The following MSRA variants were observed in gnomAD, a reference collection of about 807,000 sequenced individuals.
The protein encoded by MSRA is methionine sulfoxide reductase A.
Under a neutral mutation model 31.3 loss-of-function variants are expected in MSRA, and 54 were observed. The observed-to-expected ratio is 1.73, with a 90% confidence interval of 1.39 to 2.17. MSRA has a LOEUF of 2.17. Ranked by LOEUF, MSRA falls within the 30% of genes most tolerant of loss-of-function variation. The pLI, the probability that MSRA is intolerant of heterozygous loss-of-function variation, is 0.00. For missense variants in MSRA, 507 were observed against 300.9 expected (o/e 1.69, Z -5.07); for synonymous variants, 169 against 116.5 (o/e 1.45, Z -2.90).
chr8:10,221,216 A>T (rs1366683591), intron 2 of MSRA, among the ~76,000 whole-genome samples: 1 of 152,194 alleles, frequency 6.6e-6, no homozygotes, highest in Non-Finnish European at 1.5e-5. Flanking sequence ...TGCATAAGAA[A>T]TGACCAGACA....
At chr8:10,132,864 G>A (rs1531918) in intron 1 of MSRA, among the ~76,000 whole-genome samples, 135,273 of 152,296 alleles carry the variant, frequency 0.89, 60,238 homozygotes, top group East Asian at 0.96. Context: ...CTTTTGACTT[G>A]TCTAGATGGA....
chr8:10,127,060 C>T (rs189361083), intron 1 of MSRA, among the ~76,000 whole-genome samples: 9 of 152,296 alleles, frequency 5.9e-5, no homozygotes, highest in South Asian at 2.1e-4. Context: ...GACATTCTGG[C>T]GAACATACTA....
intron 5 of MSRA, among the ~76,000 whole-genome samples, chr8:10,413,625 T>A: frequency 7.4e-6 from 1 of 134,232 alleles, no homozygotes; most frequent in Non-Finnish European, 1.6e-5. Context: ...GAGTAATGCC[T>A]CAACAAATAA....
chr8:10,151,466 A>G (rs1334586203), intron 1 of MSRA, among the ~76,000 whole-genome samples: 1 of 151,232 alleles, frequency 6.6e-6, no homozygotes, highest in African/African-American at 2.4e-5. Flanking sequence ...ACATGGTGAA[A>G]CCCCGTCTCT....
chr8:10,086,728 C>A (rs1798574277), intron 1 of MSRA, among the ~76,000 whole-genome samples: 1 of 136,242 alleles, frequency 7.3e-6, no homozygotes, highest in Non-Finnish European at 1.5e-5. Context: ...ATATTTCACA[C>A]ATAGCAGGTA....
intron 1 of MSRA, among the ~76,000 whole-genome samples, chr8:10,192,027 G>A (rs1209146555): frequency 6.6e-6 from 1 of 152,142 alleles, no homozygotes. Flanking sequence ...CTCATTCACA[G>A]GGCTGTTGGC....
At chr8:10,206,635 G>A (rs572238914) in intron 1 of MSRA, among the ~76,000 whole-genome samples, 1 of 152,252 alleles carries the variant, frequency 6.6e-6, no homozygotes, top group South Asian at 2.1e-4. Flanking sequence ...ATGACTCCTG[G>A]CCCTCACTGA....
chr8:10,056,695 G>T (rs1467738762), intron 1 of MSRA, among the ~76,000 whole-genome samples: 3 of 152,120 alleles, frequency 2.0e-5, no homozygotes, highest in African/African-American at 7.2e-5. Context: ...TCCAGAAATG[G>T]GCAGTGTTAC....
intron 1 of MSRA, among the ~76,000 whole-genome samples, chr8:10,142,576 A>G (rs1802809485): frequency 6.6e-6 from 1 of 152,230 alleles, no homozygotes; most frequent in African/African-American, 2.4e-5. Context: ...AAGGAGGAAT[A>G]TTAAATATCT....
chr8:10,180,871 T>G (rs1443638782), intron 1 of MSRA, among the ~76,000 whole-genome samples: 2 of 152,232 alleles, frequency 1.3e-5, no homozygotes, highest in East Asian at 3.8e-4. Context: ...CTCCATCTAT[T>G]TCTTCACTAC....
At chr8:10,219,329 G>A (rs762660748) in intron 2 of MSRA, among the ~76,000 whole-genome samples, 5 of 152,156 alleles carry the variant, frequency 3.3e-5, no homozygotes, top group African/African-American at 9.7e-5. Flanking sequence ...CACAGAAGGT[G>A]TAGGTAAAAC....
chr8:10,232,487 A>G (rs574728162), intron 2 of MSRA, among the ~76,000 whole-genome samples: 4 of 152,322 alleles, frequency 2.6e-5, no homozygotes, highest in African/African-American at 9.6e-5. Flanking sequence ...ACTGCCTTTC[A>G]TGAGTGCGGA....
At chr8:10,271,228 G>C (rs1267727028) in intron 3 of MSRA, among the ~76,000 whole-genome samples, 1 of 152,158 alleles carries the variant, frequency 6.6e-6, no homozygotes, top group Non-Finnish European at 1.5e-5. Flanking sequence ...ATAGCATCCA[G>C]TTTACAGGAA....
intron 1 of MSRA, among the ~76,000 whole-genome samples, chr8:10,084,507 G>T (rs543506482): frequency 5.9e-5 from 9 of 152,200 alleles, no homozygotes; most frequent in African/African-American, 2.2e-4. Context: ...CAATTTTAGC[G>T]GGTGGGTATA....
chr8:10,323,745 CGTGTGTGTGTGT>C (rs10643873), intron 5 of MSRA, among the ~76,000 whole-genome samples: 1 of 142,716 alleles, frequency 7.0e-6, no homozygotes, highest in East Asian at 2.1e-4. Flanking sequence ...GAATTAAATA[CGTGTGTGTGTGT>C]GTGTGTGTGT....
chr8:10,230,091 C>G (rs1230720320), intron 2 of MSRA, among the ~76,000 whole-genome samples: 1 of 152,218 alleles, frequency 6.6e-6, no homozygotes, highest in Non-Finnish European at 1.5e-5. Flanking sequence ...GAGCCTCATA[C>G]GTGCAAGGTG....
rs1035745305 is a variant in MSRA at position 10,296,990 on chromosome 8, C to G, written c.332-4544C>G. On this transcript the variant is annotated intron_variant, in intron 3 of 5. Transcript: ENST00000317173. Reference sequence around the variant, plus strand: ...CCCAGCAGCCCAACAGTAGCAAAATCTAATTATCCTAACCTGGAAGAATCA... The same window carrying G: ...CCCAGCAGCCCAACAGTAGCAAAATGTAATTATCCTAACCTGGAAGAATCA... Among the ~76,000 whole-genome samples, 3 of 152,314 alleles carry G rather than the reference C, an allele frequency of 2.0e-5. No individual in the cohort carries two copies. The East Asian group carries it at 5.8e-4, about 29-fold the overall frequency.
intron 1 of MSRA, among the ~76,000 whole-genome samples, chr8:10,134,639 A>G (rs1477690827): frequency 6.6e-6 from 1 of 152,224 alleles, no homozygotes; most frequent in Non-Finnish European, 1.5e-5. Flanking sequence ...CAGACCAGGC[A>G]TGACTGCACG....
chr8:10,156,055 G>A lies in MSRA; in HGVS notation c.143-51778G>A, dbSNP rs548039820. On this transcript the variant is annotated intron_variant, in intron 1 of 5. Transcript: ENST00000317173. ...GTGGGAGTCCTGATGTGATGCGGTA[G>A]GAGGATACCTGAAGCCCCTGGGAAG... Among the ~76,000 whole-genome samples the A allele has an allele frequency of 3.3e-5, 5 of 152,258 alleles. No individual in the cohort carries two copies. The South Asian group carries it at 8.3e-4, about 25-fold the overall frequency.
Sources: gnomAD v4.1 joint callset for allele counts (sites outside exome capture counted in the v4.1 genomes callset) on GRCh38, gnomAD v4.1.1 for gene constraint, MANE v1.5 for transcripts, NCBI Gene and HGNC (gene_info 2026-07-23, HGNC 2026-07-21) for gene names.